Variants in MCC observed in about 807,000 individuals in gnomAD.
MCC encodes the protein colorectal mutant cancer protein.
MCC carries 90 observed loss-of-function variants against 116.2 expected under a neutral mutation model. The ratio of observed to expected loss-of-function variants is 0.77; its 90% confidence interval spans 0.65 to 0.92. MCC has a LOEUF of 0.92. MCC is among the 40% of genes least tolerant of loss of function. The pLI is 0.00. For missense variants in MCC, 1,516 were observed against 1,312.2 expected (o/e 1.16, Z -2.40); for synonymous variants, 578 against 510.5 (o/e 1.13, Z -1.78).
chr5:113,253,344 C>T (rs1764871539), intron 3 of MCC, among the ~76,000 whole-genome samples: 1 of 152,154 alleles, frequency 6.6e-6, no homozygotes, highest in African/African-American at 2.4e-5. Flanking sequence ...CGGTTGGCCC[C>T]TAGTCTGAAG....
chr5:113,215,438 T>C (rs1411012551), intron 3 of MCC, among the ~76,000 whole-genome samples: 1 of 152,174 alleles, frequency 6.6e-6, no homozygotes, highest in African/African-American at 2.4e-5. Flanking sequence ...AAAATTGAGG[T>C]ATTGAAACTC....
chr5:113,112,354 T>C (rs1471939003), intron 6 of MCC, among the ~76,000 whole-genome samples: 1 of 152,148 alleles, frequency 6.6e-6, no homozygotes, highest in Admixed American at 6.5e-5. Context: ...ACTTCTCCCA[T>C]GTTGTTCTCA....
At chr5:113,359,627 A>G (rs1468745923) in intron 2 of MCC, among the ~76,000 whole-genome samples, 1 of 152,274 alleles carries the variant, frequency 6.6e-6, no homozygotes, top group Non-Finnish European at 1.5e-5. Flanking sequence ...TTTTAAAAAA[A>G]ACAATTAAAA....
At chr5:113,321,914 C>T (rs7720189) in intron 3 of MCC, among the ~76,000 whole-genome samples, 4,604 of 152,254 alleles carry the variant, frequency 0.03, 233 homozygotes, top group African/African-American at 0.1. Flanking sequence ...TCACTGCAAC[C>T]TCCACCTCCC....
At chr5:113,077,098 A>C (rs1280582693) in intron 11 of MCC, among the ~76,000 whole-genome samples, 1 of 152,198 alleles carries the variant, frequency 6.6e-6, no homozygotes, top group Admixed American at 6.5e-5. Flanking sequence ...ATTCAACAAG[A>C]AGAGCTAACT....
intron 17 of MCC, among the ~76,000 whole-genome samples, chr5:113,042,791 C>T (rs988332275): frequency 6.6e-6 from 1 of 151,280 alleles, no homozygotes; most frequent in Non-Finnish European, 1.5e-5. Context: ...AAAAAAATTT[C>T]ATTAATAGTT....
At chr5:113,419,787 C>T (rs932260938) in intron 1 of MCC, among the ~76,000 whole-genome samples, 8 of 147,194 alleles carry the variant, frequency 5.4e-5, no homozygotes, top group African/African-American at 7.6e-5. Flanking sequence ...AACCAAACAC[C>T]GCATGTTCTC....
chr5:113,093,710 T>C (rs1219192791), intron 8 of MCC, among the ~76,000 whole-genome samples: 2 of 151,720 alleles, frequency 1.3e-5, no homozygotes, highest in East Asian at 3.9e-4. Flanking sequence ...CTGAGTACAA[T>C]TGTGGGAGCA....
intron 4 of MCC, among the ~76,000 whole-genome samples, chr5:113,145,827 C>G (rs1207608119): frequency 1.3e-5 from 2 of 149,260 alleles, no homozygotes; most frequent in Non-Finnish European, 3.0e-5. Flanking sequence ...TGGGGCTGCC[C>G]AGGATACCAG....
chr5:113,029,169 G>T, intron 17 of MCC, 113 bp from the exon 18 acceptor site: 3 of 1,029,056 alleles, frequency 2.9e-6, no homozygotes, highest in Non-Finnish European at 2.7e-6. Context: ...AAGCCTAAAG[G>T]CAAGGGAGAG....
chr5:113,157,508 C>T (rs1019170874), intron 3 of MCC, among the ~76,000 whole-genome samples: 1 of 152,214 alleles, frequency 6.6e-6, no homozygotes, highest in South Asian at 2.1e-4. Flanking sequence ...TATCTAGATA[C>T]ATGCACCTCA....
intron 2 of MCC, among the ~76,000 whole-genome samples, chr5:113,373,231 G>T (rs561605014): frequency 1.1e-4 from 16 of 151,854 alleles, no homozygotes; most frequent in Non-Finnish European, 1.9e-4. Flanking sequence ...TGCAACTTGG[G>T]TGTCTGATTG....
At chr5:113,112,887 A>G (rs997838354) in intron 6 of MCC, among the ~76,000 whole-genome samples, 1 of 152,372 alleles carries the variant, frequency 6.6e-6, no homozygotes, top group East Asian at 1.9e-4. Flanking sequence ...TGTCAAATTT[A>G]AAACCTATCA....
intron 2 of MCC, among the ~76,000 whole-genome samples, chr5:113,356,473 C>A (rs1214473905): frequency 6.6e-6 from 1 of 151,196 alleles, no homozygotes; most frequent in African/African-American, 2.4e-5. Context: ...TAGCAGACCA[C>A]AAATTCTAAA....
intron 2 of MCC, among the ~76,000 whole-genome samples, chr5:113,362,543 A>T (rs574834749): frequency 6.6e-6 from 1 of 151,808 alleles, no homozygotes; most frequent in Non-Finnish European, 1.5e-5. Flanking sequence ...TTTTTGGGCC[A>T]CCTTGTTCTA....
At chr5:113,300,918 C>A (rs1766846463) in intron 3 of MCC, among the ~76,000 whole-genome samples, 1 of 152,176 alleles carries the variant, frequency 6.6e-6, no homozygotes, top group Non-Finnish European at 1.5e-5. Flanking sequence ...ATCTCTATAT[C>A]CTCAGAGAAA....
chr5:113,256,291 T>C (rs566881377), intron 3 of MCC, among the ~76,000 whole-genome samples: 3 of 152,194 alleles, frequency 2.0e-5, no homozygotes, highest in African/African-American at 4.8e-5. Flanking sequence ...ATTTCATTCA[T>C]TGAACAATAT....
intron 3 of MCC, among the ~76,000 whole-genome samples, chr5:113,254,606 AG>A (rs1335292743): frequency 1.3e-5 from 2 of 152,216 alleles, no homozygotes; most frequent in African/African-American, 4.8e-5. Flanking sequence ...CATGATCCTA[AG>A]CCACTAACCA....
chr5:113,379,383 G>C (rs1256496641), intron 2 of MCC, among the ~76,000 whole-genome samples: 2 of 152,166 alleles, frequency 1.3e-5, no homozygotes, highest in Admixed American at 6.5e-5. Flanking sequence ...CTGAAAACCT[G>C]TGATATTTTA....
Sources: allele counts gnomAD v4.1 joint callset (sites outside exome capture counted in the v4.1 genomes callset), GRCh38; gene constraint gnomAD v4.1.1; transcripts MANE v1.5; gene names NCBI Gene and HGNC (gene_info 2026-07-23, HGNC 2026-07-21).